Variants in PPME1 observed in about 807,000 individuals in gnomAD.
PPME1 encodes protein phosphatase methylesterase 1, also known as testicular secretory protein Li 39.
In PPME1, 17 loss-of-function variants were observed where a neutral mutation model predicts 56.9. The observed-to-expected ratio is 0.30, with a 90% CI of 0.20 to 0.45. The LOEUF is 0.45. Ranked by LOEUF, PPME1 falls within the 20% of genes least tolerant of loss-of-function variation. The pLI, the probability that PPME1 is intolerant of heterozygous loss-of-function variation, is 1.00. For synonymous variants in PPME1, 122 were observed against 156.2 expected (o/e 0.78, Z 1.63); for missense variants, 357 against 483.2 (o/e 0.74, Z 2.45).
chr11:74,214,688 G>GA (rs532768564), intron 3 of PPME1, among the ~76,000 whole-genome samples: 4,768 of 139,568 alleles, frequency 0.034, 81 homozygotes, highest in Middle Eastern at 0.085. Flanking sequence ...ATGCTGAAGG[G>GA]AAAAAAAAAA....
intron 1 of PPME1, among the ~76,000 whole-genome samples, chr11:74,201,125 G>A (rs369551035): frequency 3.9e-5 from 6 of 151,972 alleles, no homozygotes; most frequent in Non-Finnish European, 5.9e-5. Flanking sequence ...ACAGGCGCCC[G>A]CCACCACACC....
intron 9 of PPME1, among the ~76,000 whole-genome samples, chr11:74,245,155 G>T (rs1266887396): frequency 1.3e-5 from 2 of 151,710 alleles, no homozygotes; most frequent in East Asian, 1.9e-4. Flanking sequence ...AATTGTTTTG[G>T]CTAGTCAGTG....
intron 5 of PPME1, among the ~76,000 whole-genome samples, chr11:74,227,896 C>T (rs1858970799): frequency 1.3e-5 from 2 of 152,116 alleles, no homozygotes; most frequent in South Asian, 4.2e-4. Flanking sequence ...AGCTCAGACA[C>T]GATGTTCAGT....
At chr11:74,227,708 G>GTAA (rs1858966545) in intron 5 of PPME1, among the ~76,000 whole-genome samples, 2 of 152,030 alleles carry the variant, frequency 1.3e-5, no homozygotes, top group African/African-American at 2.4e-5. Context: ...AGATTTGTAG[G>GTAA]TAACCCTTGC....
intron 1 of PPME1, among the ~76,000 whole-genome samples, chr11:74,191,787 T>C (rs919849390): frequency 6.6e-6 from 1 of 152,156 alleles, no homozygotes; most frequent in Non-Finnish European, 1.5e-5. Flanking sequence ...GCACATAGAA[T>C]GCGAGAGTGA....
At chr11:74,215,031 A>G (rs1858591618) in intron 3 of PPME1, among the ~76,000 whole-genome samples, 1 of 152,194 alleles carries the variant, frequency 6.6e-6, no homozygotes, top group South Asian at 2.1e-4. Flanking sequence ...TAAACAGTAC[A>G]ATAATATATA....
At chr11:74,181,211 A>ATT (rs549579138) in intron 1 of PPME1, among the ~76,000 whole-genome samples, 5 of 146,782 alleles carry the variant, frequency 3.4e-5, no homozygotes, top group African/African-American at 1.0e-4. Flanking sequence ...CGCCCGGCTA[A>ATT]TTTTTTTTTT....
chr11:74,238,893 G>A (rs1859268736), intron 8 of PPME1: 2 of 358,664 alleles, frequency 5.6e-6, no homozygotes, highest in Non-Finnish European at 1.0e-5. Context: ...CTGAGGAAGT[G>A]GTTGCTCCCT....
At chr11:74,212,041 C>A (rs1311192585) in intron 3 of PPME1, among the ~76,000 whole-genome samples, 1 of 152,180 alleles carries the variant, frequency 6.6e-6, no homozygotes, top group Non-Finnish European at 1.5e-5. Flanking sequence ...AACCAAAAAT[C>A]AGGTGAATGA....
At chr11:74,220,346 A>G (rs1360186143) in intron 3 of PPME1, among the ~76,000 whole-genome samples, 3 of 152,200 alleles carry the variant, frequency 2.0e-5, no homozygotes, top group African/African-American at 4.8e-5. Context: ...GTCTCGGGTT[A>G]GGATAGTGGG....
chr11:74,209,937 C>T (rs529688486), intron 3 of PPME1, among the ~76,000 whole-genome samples: 1 of 152,236 alleles, frequency 6.6e-6, no homozygotes, highest in East Asian at 1.9e-4. Context: ...GGCACATAAC[C>T]TATAGTCTCA....
intron 8 of PPME1, among the ~76,000 whole-genome samples, 186 bp downstream of exon 8, chr11:74,236,152 C>G (rs1459108999): frequency 6.6e-6 from 1 of 152,202 alleles, no homozygotes; most frequent in Non-Finnish European, 1.5e-5. Flanking sequence ...TCCTTTCTCT[C>G]CTTCCTTTCC....
At chr11:74,172,535 G>C (rs1857289296) in intron 1 of PPME1, among the ~76,000 whole-genome samples, 1 of 152,208 alleles carries the variant, frequency 6.6e-6, no homozygotes, top group Non-Finnish European at 1.5e-5. Context: ...TAGTTTGCTG[G>C]AAAGGAAGGA....
chr11:74,221,941 G>A (rs751302451), intron 3 of PPME1, among the ~76,000 whole-genome samples: 2 of 152,074 alleles, frequency 1.3e-5, no homozygotes, highest in African/African-American at 2.4e-5. Context: ...CTGACTCACC[G>A]TCCTTATCTA....
chr11:74,246,224 A>T lies in PPME1; in HGVS notation c.964+19A>T. Reference sequence around the variant, plus strand: ...TTGGCTGGTAAGTGTATATGTGCATATATTAGTCAGCTCAGGCTGCCATAA... The same window carrying T: ...TTGGCTGGTAAGTGTATATGTGCATTTATTAGTCAGCTCAGGCTGCCATAA... On this transcript the variant is annotated intron_variant, in intron 10 of 13. Transcript: ENST00000328257. 2 of 1,540,218 alleles carry T rather than the reference A, an allele frequency of 1.3e-6. No individual in the cohort carries two copies. Among genetic ancestry groups the T allele is most frequent in the African/African-American group, 1.4e-5 (1 of 72,452 alleles).
intron 1 of PPME1, among the ~76,000 whole-genome samples, chr11:74,178,915 T>G (rs1195292241): frequency 6.6e-6 from 1 of 152,072 alleles, no homozygotes; most frequent in Non-Finnish European, 1.5e-5. Flanking sequence ...CAAAATAGTT[T>G]TTTTTTTTTT....
intron 7 of PPME1, among the ~76,000 whole-genome samples, chr11:74,235,363 T>C (rs1859165337): frequency 6.6e-6 from 1 of 152,062 alleles, no homozygotes; most frequent in Non-Finnish European, 1.5e-5. Flanking sequence ...TCCCCTTTTA[T>C]CTCCTCCCTG....
chr11:74,219,584 C>T (rs1302969992), intron 3 of PPME1, among the ~76,000 whole-genome samples: 2 of 152,112 alleles, frequency 1.3e-5, no homozygotes, highest in African/African-American at 4.8e-5. Flanking sequence ...AGATCTCTGT[C>T]ATTTGCAACA....
At chr11:74,225,434 C>G (rs1307157574) in intron 5 of PPME1, among the ~76,000 whole-genome samples, 178 bp downstream of exon 5, 1 of 152,112 alleles carries the variant, frequency 6.6e-6, no homozygotes, top group Non-Finnish European at 1.5e-5. Flanking sequence ...TTGAAAGAAA[C>G]CTGCGTCTTT....
Sources: allele counts gnomAD v4.1 joint callset (sites outside exome capture counted in the v4.1 genomes callset), GRCh38; gene constraint gnomAD v4.1.1; transcripts MANE v1.5; gene names NCBI Gene and HGNC (gene_info 2026-07-23, HGNC 2026-07-21).